ATG7: variants seen among roughly 807,000 people sequenced by gnomAD.
ATG7 encodes the protein ubiquitin-like modifier-activating enzyme ATG7.
ATG7 carries 70 observed loss-of-function variants against 82.4 expected under a neutral mutation model. The observed-to-expected ratio is 0.85, with a 90% confidence interval of 0.70 to 1.04. The LOEUF is 1.04. ATG7 is among the 50% of genes least tolerant of loss of function. The pLI is 0.00. For synonymous variants in ATG7, 287 were observed against 313.0 expected (o/e 0.92, Z 0.88); for missense variants, 792 against 864.3 (o/e 0.92, Z 1.05).
intron 20 of ATG7, among the ~76,000 whole-genome samples, chr3:11,431,158 T>C (rs1241205113): frequency 6.6e-6 from 1 of 152,242 alleles, no homozygotes; most frequent in Non-Finnish European, 1.5e-5. Flanking sequence ...CCCAGCACTT[T>C]TGGGAGGCCG....
At chr3:11,516,689 T>C (rs1305122403) in intron 20 of ATG7, among the ~76,000 whole-genome samples, 1 of 152,146 alleles carries the variant, frequency 6.6e-6, no homozygotes, top group Non-Finnish European at 1.5e-5. Flanking sequence ...AGTAGGTGAA[T>C]GGAGAAATAA....
chr3:11,300,190 G>T (rs1946571690), intron 5 of ATG7, among the ~76,000 whole-genome samples: 1 of 152,124 alleles, frequency 6.6e-6, no homozygotes, highest in Non-Finnish European at 1.5e-5. Flanking sequence ...GCCTCCCAAA[G>T]TGCTGCTGGG....
chr3:11,444,810 A>G (rs530092705), intron 20 of ATG7, among the ~76,000 whole-genome samples: 1 of 152,316 alleles, frequency 6.6e-6, no homozygotes, highest in Non-Finnish European at 1.5e-5. Flanking sequence ...TTCTCAAACT[A>G]TGCATCTGAC....
At chr3:11,458,416 A>G (rs2085963390) in intron 20 of ATG7, among the ~76,000 whole-genome samples, 1 of 151,964 alleles carries the variant, frequency 6.6e-6, no homozygotes, top group Non-Finnish European at 1.5e-5. Context: ...GGCGCCCACC[A>G]CCACGCCCGG....
chr3:11,301,003 A>C (rs1009277681), intron 5 of ATG7, among the ~76,000 whole-genome samples: 10 of 152,216 alleles, frequency 6.6e-5, no homozygotes, highest in African/African-American at 2.4e-4. Context: ...GCATCTGTAT[A>C]GTATAAGAAC....
Position 11,306,938 on chromosome 3 carries a change from T to A in ATG7, c.216-5T>A. 9 of 1,612,250 alleles carry A rather than the reference T, an allele frequency of 5.6e-6. No homozygotes were observed. The highest frequency in any genetic ancestry group is 7.6e-6 in the Non-Finnish European group (9 of 1,178,404). ...CCTGACTAACCGTGTTTCTCTTGTA[T>A]CTAGGAGTGCTCCCACCCCAGCCCG... is the stretch of plus-strand genomic sequence containing the variant. On this transcript the variant is annotated splice_region_variant and splice_polypyrimidine_tract_variant and intron_variant, in intron 5 of 20. Transcript: ENST00000693202.
intron 20 of ATG7, among the ~76,000 whole-genome samples, chr3:11,442,878 G>T (rs986128709): frequency 6.6e-6 from 1 of 151,634 alleles, no homozygotes; most frequent in Admixed American, 6.6e-5. Context: ...CTAAGATTGT[G>T]CCACTTCACT....
intron 19 of ATG7, among the ~76,000 whole-genome samples, chr3:11,412,640 C>G (rs756351577): frequency 6.6e-6 from 1 of 152,108 alleles, no homozygotes; most frequent in Non-Finnish European, 1.5e-5. Context: ...TGCTCCTCTT[C>G]TTCAAGATTG....
chr3:11,434,375 A>G (rs1246912064), intron 20 of ATG7, among the ~76,000 whole-genome samples: 1 of 152,186 alleles, frequency 6.6e-6, no homozygotes, highest in Non-Finnish European at 1.5e-5. Context: ...TAGCCTGCTC[A>G]TGAATCCAGT....
At chr3:11,317,247 C>T (rs964642249) in intron 9 of ATG7, among the ~76,000 whole-genome samples, 4 of 151,978 alleles carry the variant, frequency 2.6e-5, no homozygotes, top group Non-Finnish European at 4.4e-5. Flanking sequence ...GCAATAAGAC[C>T]GTTAATAATT....
chr3:11,403,020 T>C (rs2079984960), intron 19 of ATG7, among the ~76,000 whole-genome samples: 1 of 152,180 alleles, frequency 6.6e-6, no homozygotes, highest in South Asian at 2.1e-4. Flanking sequence ...TTAAGACATA[T>C]CAAACAAACA....
intron 20 of ATG7, among the ~76,000 whole-genome samples, chr3:11,492,629 CT>C (rs2090469572): frequency 6.6e-6 from 1 of 152,248 alleles, no homozygotes; most frequent in Non-Finnish European, 1.5e-5. Flanking sequence ...GCTTCGGGCA[CT>C]GGCAGGAGCA....
At chr3:11,303,397 C>T (rs1345721231) in intron 5 of ATG7, among the ~76,000 whole-genome samples, 3 of 152,212 alleles carry the variant, frequency 2.0e-5, no homozygotes, top group Admixed American at 6.5e-5. Flanking sequence ...CCGCCAGGCG[C>T]GGTGGCTCAC....
intron 19 of ATG7, among the ~76,000 whole-genome samples, chr3:11,392,413 T>A (rs2078887528): frequency 6.6e-6 from 1 of 151,782 alleles, no homozygotes. Context: ...TTAAATGACA[T>A]CATTTTGAGT....
At chr3:11,489,211 A>G (rs1373743139) in intron 20 of ATG7, among the ~76,000 whole-genome samples, 6 of 152,224 alleles carry the variant, frequency 3.9e-5, no homozygotes, top group Non-Finnish European at 2.9e-5. Context: ...TGCTCTCTTC[A>G]AAGCTGTCAG....
chr3:11,569,403 G>A, the ATG7 span, among the ~76,000 whole-genome samples: 1 of 152,212 alleles, frequency 6.6e-6, no homozygotes, highest in African/African-American at 2.4e-5. Flanking sequence ...CAGTGAAAGA[G>A]ATGAGGCCCA....
Position 11,333,059 on chromosome 3 carries a change from C to T in ATG7, c.855C>T (p.Phe285=), listed in dbSNP as rs780428890. ...GAGACGTTGCCCACAGCATCATCTT[C>T]GAAGTGAAGCTTCCAGAAATGGCAT... The part of the protein sequence containing the change: ...GARDVAHSII[F]EVKLPEMAFS... Residue 285 remains phenylalanine, a synonymous_variant, in exon 11 of 21, where the codon TTC becomes TTT. Coordinates refer to ENST00000693202, the MANE Select transcript of ATG7 (RefSeq NM_001349232.2). 2.6e-6 allele frequency: 4 copies of T among 1,562,808 alleles called. No individual in the cohort carries two copies. The highest frequency in any genetic ancestry group is 1.2e-5 in the South Asian group (1 of 83,144).
In ATG7 at chr3:11,491,166, C is replaced by T. The variant is rs938839474; in HGVS notation, c.2080-63645C>T. Reference sequence around the variant, plus strand: ...TCCCATATTTCTTGGAGGCTTTGTTCGTTTCTTTTTATTCTTTTTTCTCTA... The same window carrying T: ...TCCCATATTTCTTGGAGGCTTTGTTTGTTTCTTTTTATTCTTTTTTCTCTA... On this transcript the variant is annotated intron_variant, in intron 20 of 20. Coordinates refer to ENST00000693202, the MANE Select transcript of ATG7 (RefSeq NM_001349232.2). Among the ~76,000 whole-genome samples the T allele has an allele frequency of 5.3e-5, 8 of 152,242 alleles. No homozygotes were observed. The South Asian group carries it at 1.0e-3, about 20-fold the overall frequency.
the ATG7 span, among the ~76,000 whole-genome samples, chr3:11,563,843 C>T: frequency 1.3e-5 from 2 of 152,138 alleles, no homozygotes; most frequent in Non-Finnish European, 2.9e-5. Flanking sequence ...CTCAGCTTCA[C>T]CAGGATTCCC....
Sources: gnomAD v4.1 joint callset for allele counts (sites outside exome capture counted in the v4.1 genomes callset) on GRCh38, gnomAD v4.1.1 for gene constraint, MANE v1.5 for transcripts, NCBI Gene and HGNC (gene_info 2026-07-23, HGNC 2026-07-21) for gene names.